PHLPP1: variants seen among roughly 807,000 people sequenced by gnomAD.
The protein encoded by PHLPP1 is PH domain leucine-rich repeat-containing protein phosphatase 1.
A neutral mutation model predicts 117.2 loss-of-function variants in PHLPP1; 42 were observed. That is an observed-to-expected ratio of 0.36 (90% CI 0.28 to 0.46). PHLPP1 has a LOEUF of 0.46. Among genes scored for constraint, PHLPP1 ranks in the 20% least tolerant of loss-of-function variants. The pLI is 1.00. For synonymous variants in PHLPP1, 1,042 were observed against 970.7 expected (o/e 1.07, Z -1.37); for missense variants, 2,084 against 2,241.9 (o/e 0.93, Z 1.42).
At chr18:62,719,995 T>C (rs1910868560) in intron 1 of PHLPP1, among the ~76,000 whole-genome samples, 1 of 152,192 alleles carries the variant, frequency 6.6e-6, no homozygotes, top group African/African-American at 2.4e-5. Flanking sequence ...ACTATCTAAT[T>C]ACAGAGTTGT....
At chr18:62,892,077 TCTTTC>T in intron 4 of PHLPP1, among the ~76,000 whole-genome samples, 1 of 132,938 alleles carries the variant, frequency 7.5e-6, no homozygotes, top group South Asian at 2.4e-4. Flanking sequence ...TTTCTTTCTT[TCTTTC>T]TTTTTTTTTT....
At chr18:62,936,030 C>G (rs902367046) in intron 10 of PHLPP1, among the ~76,000 whole-genome samples, 1 of 152,060 alleles carries the variant, frequency 6.6e-6, no homozygotes, top group Non-Finnish European at 1.5e-5. Flanking sequence ...AATAAAAAGA[C>G]TTTGCTTTTT....
At chr18:62,931,222 A>G (rs375832739) in intron 10 of PHLPP1, among the ~76,000 whole-genome samples, 34 of 151,880 alleles carry the variant, frequency 2.2e-4, no homozygotes, top group African/African-American at 4.6e-4. Flanking sequence ...AACAACAACA[A>G]TGAATACATG....
At chr18:62,829,079 A>G (rs894565121) in intron 1 of PHLPP1, among the ~76,000 whole-genome samples, 1 of 152,280 alleles carries the variant, frequency 6.6e-6, no homozygotes, top group South Asian at 2.1e-4. Flanking sequence ...GACCTTTCTC[A>G]GTTCTCTTTC....
chr18:62,822,410 T>C (rs1317039941), intron 1 of PHLPP1, among the ~76,000 whole-genome samples: 2 of 151,428 alleles, frequency 1.3e-5, no homozygotes, highest in Non-Finnish European at 2.9e-5. Flanking sequence ...GCATCCTGAG[T>C]AGCTGGGACT....
intron 1 of PHLPP1, among the ~76,000 whole-genome samples, chr18:62,797,000 A>G (rs527424736): frequency 1.1e-4 from 17 of 152,246 alleles, no homozygotes; most frequent in Non-Finnish European, 2.2e-4. Context: ...GATAGGCAGA[A>G]GATATATAAA....
intron 8 of PHLPP1, among the ~76,000 whole-genome samples, chr18:62,913,302 A>G (rs1004151622): frequency 1.4e-5 from 2 of 147,164 alleles, no homozygotes; most frequent in African/African-American, 5.0e-5. Context: ...ATTAACAATT[A>G]AAAAAAAAAA....
chr18:62,798,982 C>T (rs539651670), intron 1 of PHLPP1, among the ~76,000 whole-genome samples: 48 of 152,278 alleles, frequency 3.2e-4, no homozygotes, highest in Non-Finnish European at 6.0e-4. Context: ...GACTTAAGCT[C>T]CCTTCCAAAG....
chr18:62,875,057 C>T (rs1243212089), intron 4 of PHLPP1, among the ~76,000 whole-genome samples: 1 of 152,158 alleles, frequency 6.6e-6, no homozygotes, highest in Non-Finnish European at 1.5e-5. Context: ...CGGGTTCAAG[C>T]GATTCTCATG....
chr18:62,853,199 A>G (rs1915404630), intron 3 of PHLPP1, among the ~76,000 whole-genome samples: 2 of 152,078 alleles, frequency 1.3e-5, no homozygotes, highest in Admixed American at 6.6e-5. Context: ...TCCCTTATGT[A>G]TATTTACAAG....
intron 6 of PHLPP1, among the ~76,000 whole-genome samples, chr18:62,896,999 A>G (rs1468994197): frequency 1.3e-5 from 2 of 152,154 alleles, no homozygotes; most frequent in Non-Finnish European, 2.9e-5. Context: ...AAGATAAGGA[A>G]CTCTAAACAC....
chr18:62,764,725 A>G (rs769175419), intron 1 of PHLPP1, among the ~76,000 whole-genome samples: 1 of 152,254 alleles, frequency 6.6e-6, no homozygotes, highest in Non-Finnish European at 1.5e-5. Flanking sequence ...TCTTACTTGT[A>G]CAACTCTTGA....
chr18:62,948,948 A>C (rs1433940795), intron 12 of PHLPP1, among the ~76,000 whole-genome samples: 2 of 152,192 alleles, frequency 1.3e-5, no homozygotes, highest in Non-Finnish European at 2.9e-5. Flanking sequence ...GAAAGTCTTC[A>C]TTGTAAAGTG....
chr18:62,763,769 G>C (rs912536082), intron 1 of PHLPP1, among the ~76,000 whole-genome samples: 1 of 152,056 alleles, frequency 6.6e-6, no homozygotes, highest in South Asian at 2.1e-4. Flanking sequence ...CTCTGTCTTC[G>C]TGACTTTTCC....
At chr18:62,749,901 A>G (rs1260240371) in intron 1 of PHLPP1, among the ~76,000 whole-genome samples, 1 of 152,222 alleles carries the variant, frequency 6.6e-6, no homozygotes, top group Non-Finnish European at 1.5e-5. Flanking sequence ...CTGTAGTTCT[A>G]GCTACTCAGG....
intron 14 of PHLPP1, among the ~76,000 whole-genome samples, chr18:62,969,207 G>T (rs1261418678): frequency 6.6e-6 from 1 of 151,834 alleles, no homozygotes; most frequent in African/African-American, 2.4e-5. Context: ...ACACTCAACT[G>T]CTTTTCTTAT....
chr18:62,969,719 ACT>A (rs1599146928), intron 14 of PHLPP1, among the ~76,000 whole-genome samples: 1 of 151,930 alleles, frequency 6.6e-6, no homozygotes, highest in African/African-American at 2.4e-5. Flanking sequence ...TATCATTATG[ACT>A]CTCTATTCCT....
chr18:62,836,835 T>TA (rs1914918224), intron 2 of PHLPP1, among the ~76,000 whole-genome samples: 1 of 151,982 alleles, frequency 6.6e-6, no homozygotes, highest in Non-Finnish European at 1.5e-5. Flanking sequence ...GCCAAGGCTG[T>TA]AATCCCATCT....
chr18:62,810,911 A>G (rs944343505), intron 1 of PHLPP1, among the ~76,000 whole-genome samples: 2 of 152,214 alleles, frequency 1.3e-5, no homozygotes, highest in African/African-American at 2.4e-5. Flanking sequence ...AAAACCTCAG[A>G]ATGTGACCTT....
Sources: allele counts gnomAD v4.1 joint callset (sites outside exome capture counted in the v4.1 genomes callset), GRCh38; gene constraint gnomAD v4.1.1; transcripts MANE v1.5; gene names NCBI Gene and HGNC (gene_info 2026-07-23, HGNC 2026-07-21).